The following ATRNL1 variants were observed in gnomAD, a reference collection of about 807,000 sequenced individuals.
ATRNL1 encodes the protein attractin like 1, also known as attractin-like protein 1.
A neutral mutation model predicts 182.7 loss-of-function variants in ATRNL1; 95 were observed. The observed-to-expected ratio is 0.52, with a 90% CI of 0.44 to 0.62. The LOEUF (loss-of-function observed/expected upper bound fraction) is 0.62. ATRNL1 is among the 20% of genes least tolerant of loss of function. The pLI is 0.00. For synonymous variants in ATRNL1, 576 were observed against 568.3 expected (o/e 1.01, Z -0.19); for missense variants, 1,471 against 1,679.5 (o/e 0.88, Z 2.17).
In ATRNL1 at chr10:115,442,707, C is replaced by T. The variant is rs145344945; in HGVS notation, c.3322+16405C>T. Among the ~76,000 whole-genome samples the T allele has an allele frequency of 2.1e-3, 324 of 151,976 alleles. 1 individual carries two copies. The highest frequency in any genetic ancestry group is 7.4e-3 in the African/African-American group (308 of 41,396). On this transcript the variant is annotated intron_variant, in intron 21 of 28. Coordinates refer to ENST00000355044, the MANE Select transcript of ATRNL1 (RefSeq NM_207303.4). ...ACACCTATTCCAAAACATTACCTTG[C>T]GATCTTCATAGCATATATCACTCTC... is the stretch of plus-strand genomic sequence containing the variant.
intron 28 of ATRNL1, among the ~76,000 whole-genome samples, chr10:115,923,511 T>G (rs1298798108): frequency 6.6e-6 from 1 of 152,142 alleles, no homozygotes; most frequent in East Asian, 1.9e-4. Flanking sequence ...ATGTGTCGTT[T>G]GGTTTTCTGT....
intron 9 of ATRNL1, among the ~76,000 whole-genome samples, chr10:115,223,093 A>G (rs1849533215): frequency 6.6e-6 from 1 of 152,146 alleles, no homozygotes; most frequent in South Asian, 2.1e-4. Context: ...CAGCCTGGCC[A>G]ACATGCTGAA....
intron 27 of ATRNL1, among the ~76,000 whole-genome samples, chr10:115,748,077 T>C (rs1392438426): frequency 1.3e-5 from 2 of 152,032 alleles, no homozygotes; most frequent in African/African-American, 2.4e-5. Flanking sequence ...GAGCGACATA[T>C]TCTTTGTTGC....
intron 24 of ATRNL1, among the ~76,000 whole-genome samples, chr10:115,477,578 G>T (rs569547638): frequency 6.6e-6 from 1 of 151,672 alleles, no homozygotes; most frequent in Non-Finnish European, 1.5e-5. Context: ...CTGGGAAGTA[G>T]TTTTTTGGCT....
At chr10:115,290,456 A>G (rs914455878) in intron 15 of ATRNL1, among the ~76,000 whole-genome samples, 3 of 152,124 alleles carry the variant, frequency 2.0e-5, no homozygotes, top group Non-Finnish European at 4.4e-5. Flanking sequence ...GGAGCTTGAG[A>G]CCAGCCTGGC....
intron 26 of ATRNL1, among the ~76,000 whole-genome samples, chr10:115,719,860 TC>T (rs1481801568): frequency 2.4e-5 from 3 of 124,638 alleles, no homozygotes; most frequent in African/African-American, 8.2e-5. Context: ...CCCCACACAC[TC>T]TTTTTTTTTT....
intron 26 of ATRNL1, among the ~76,000 whole-genome samples, chr10:115,659,335 G>A (rs1185981733): frequency 6.6e-6 from 1 of 151,994 alleles, no homozygotes; most frequent in Admixed American, 6.6e-5. Flanking sequence ...CTTAGGCACT[G>A]ACTGATATAA....
chr10:115,893,700 G>A (rs1555111792), intron 28 of ATRNL1, among the ~76,000 whole-genome samples: 1 of 152,178 alleles, frequency 6.6e-6, no homozygotes, highest in African/African-American at 2.4e-5. Flanking sequence ...TCAGGAGGCT[G>A]CGGCTGGGCA....
At chr10:115,472,618 T>C (rs1406246616) in intron 24 of ATRNL1, among the ~76,000 whole-genome samples, 1 of 151,176 alleles carries the variant, frequency 6.6e-6, no homozygotes, top group African/African-American at 2.4e-5. Flanking sequence ...GTAAATATGA[T>C]TTGTTTACTT....
intron 26 of ATRNL1, among the ~76,000 whole-genome samples, chr10:115,616,044 A>G (rs1218725945): frequency 6.6e-6 from 1 of 152,192 alleles, no homozygotes; most frequent in Non-Finnish European, 1.5e-5. Context: ...GGAACTTCCT[A>G]AAGACTTGTT....
chr10:115,793,179 A>G (rs1202534245), intron 27 of ATRNL1, among the ~76,000 whole-genome samples: 1 of 152,076 alleles, frequency 6.6e-6, no homozygotes, highest in East Asian at 1.9e-4. Flanking sequence ...AAAATAAAAT[A>G]TAGTATTTTT....
intron 28 of ATRNL1, among the ~76,000 whole-genome samples, chr10:115,865,153 C>A (rs1036413649): frequency 6.6e-6 from 1 of 152,056 alleles, no homozygotes; most frequent in African/African-American, 2.4e-5. Context: ...TGCATTAAAT[C>A]CTGGACCAAA....
chr10:115,134,985 G>A (rs1845435455), intron 5 of ATRNL1, among the ~76,000 whole-genome samples: 1 of 151,958 alleles, frequency 6.6e-6, no homozygotes, highest in South Asian at 2.1e-4. Context: ...AAATTCAACA[G>A]CCCTTCATGC....
chr10:115,121,639 A>G, intron 2 of ATRNL1, 60 bp from the exon 3 acceptor site: 1 of 626,184 alleles, frequency 1.6e-6, no homozygotes, highest in Non-Finnish European at 2.6e-6. Context: ...AATATTATGT[A>G]TTTATTCACT....
chr10:115,844,408 G>C (rs1323998701), intron 27 of ATRNL1, among the ~76,000 whole-genome samples: 1 of 152,016 alleles, frequency 6.6e-6, no homozygotes, highest in Non-Finnish European at 1.5e-5. Context: ...AGTTTCCCAG[G>C]ATTGATCCTG....
chr10:115,298,615 T>G (rs1421678352), intron 15 of ATRNL1, among the ~76,000 whole-genome samples: 2 of 152,124 alleles, frequency 1.3e-5, no homozygotes, highest in African/African-American at 4.8e-5. Context: ...TTTTAGGTTT[T>G]TGCTTATTAA....
intron 9 of ATRNL1, among the ~76,000 whole-genome samples, chr10:115,224,330 G>A (rs1200357230): frequency 2.0e-5 from 3 of 151,900 alleles, no homozygotes; most frequent in Non-Finnish European, 4.4e-5. Flanking sequence ...CTAAGGAGGG[G>A]CACTTATAGA....
chr10:115,839,405 C>T (rs529867228), intron 27 of ATRNL1, among the ~76,000 whole-genome samples: 5 of 152,200 alleles, frequency 3.3e-5, no homozygotes, highest in East Asian at 3.9e-4. Flanking sequence ...GAAGGGCTAA[C>T]GGGGGACCTG....
chr10:115,815,100 C>G (rs1950130817), intron 27 of ATRNL1, among the ~76,000 whole-genome samples: 1 of 152,056 alleles, frequency 6.6e-6, no homozygotes, highest in Non-Finnish European at 1.5e-5. Flanking sequence ...AACAAATAAA[C>G]AAACACCACA....
Sources: allele counts gnomAD v4.1 joint callset (sites outside exome capture counted in the v4.1 genomes callset), GRCh38; gene constraint gnomAD v4.1.1; transcripts MANE v1.5; gene names NCBI Gene and HGNC (gene_info 2026-07-23, HGNC 2026-07-21).